Variants in AFF3 observed in about 807,000 individuals in gnomAD.
AFF3 encodes AF4/FMR2 family member 3.
AFF3 carries 32 observed loss-of-function variants against 129.7 expected under a neutral mutation model. The observed-to-expected ratio is 0.25, with a 90% confidence interval of 0.19 to 0.33. AFF3 has a LOEUF of 0.33. AFF3 is among the 10% of genes least tolerant of loss of function. The probability of loss-of-function intolerance (pLI) is 1.00; values close to 1 mark genes in which losing one functional copy is unlikely to be tolerated. For missense variants in AFF3, 1,373 were observed against 1,592.0 expected, an observed-to-expected ratio of 0.86 and a Z score of 2.34; for synonymous variants, 644 against 635.4, an observed-to-expected ratio of 1.01 and a Z score of -0.20.
chr2:99,870,869 C>T (rs1233030018), intron 7 of AFF3, among the ~76,000 whole-genome samples: 1 of 152,208 alleles, frequency 6.6e-6, no homozygotes, highest in Non-Finnish European at 1.5e-5. Flanking sequence ...AATGTGGACT[C>T]TGGAACTGGG....
intron 7 of AFF3, among the ~76,000 whole-genome samples, chr2:99,846,508 A>G (rs185844267): frequency 6.6e-6 from 1 of 152,362 alleles, no homozygotes; most frequent in African/African-American, 2.4e-5. Context: ...GGAAATGTAC[A>G]CGAAAACACA....
rs567547554 is a variant in AFF3 at position 100,031,116 on chromosome 2, T to C, written c.54-22184A>G. 2.6e-5 allele frequency among the ~76,000 whole-genome samples: 4 copies of C among 152,170 alleles called. No homozygotes were observed. In the South Asian group the frequency reaches 8.3e-4, roughly 32 times the overall value. ...CTGACCCAAATAATAACTTTAGAAATAAGTGGAGTCTGTAAAAAAAAGACA... is the reference window on the plus strand; with the variant it reads ...CTGACCCAAATAATAACTTTAGAAACAAGTGGAGTCTGTAAAAAAAAGACA... On this transcript the variant is annotated intron_variant, in intron 4 of 24. Coordinates refer to ENST00000672756, the MANE Select transcript of AFF3 (RefSeq NM_001386135.1).
At chr2:99,672,454 G>T in intron 12 of AFF3, 84 bp downstream of exon 12, 1 of 1,335,572 alleles carries the variant, frequency 7.5e-7, no homozygotes, top group Admixed American at 1.7e-5. Context: ...CCACCATTCA[G>T]CTTGGTTAAC....
chr2:100,129,772 A>C (rs1387854242), intron 1 of AFF3, among the ~76,000 whole-genome samples: 2 of 152,224 alleles, frequency 1.3e-5, no homozygotes, highest in Non-Finnish European at 2.9e-5. Flanking sequence ...TCCTCACAAC[A>C]ACCCAGATGA....
intron 11 of AFF3, among the ~76,000 whole-genome samples, chr2:99,719,604 A>C (rs542704218): frequency 1.3e-5 from 2 of 152,232 alleles, no homozygotes; most frequent in South Asian, 2.1e-4. Flanking sequence ...TGACCTTTTG[A>C]GTATTATAAA....
chr2:99,876,162 G>A (rs1479519246), intron 7 of AFF3, among the ~76,000 whole-genome samples: 2 of 152,152 alleles, frequency 1.3e-5, no homozygotes, highest in Non-Finnish European at 2.9e-5. Flanking sequence ...CCTAGGACAT[G>A]CTATGAATCC....
At chr2:100,079,061 C>T (rs1461450291) in intron 4 of AFF3, among the ~76,000 whole-genome samples, 1 of 151,832 alleles carries the variant, frequency 6.6e-6, no homozygotes, top group Non-Finnish European at 1.5e-5. Context: ...ATTCTCCTGC[C>T]TCAGCCTCCC....
intron 7 of AFF3, among the ~76,000 whole-genome samples, chr2:99,907,698 G>A (rs1015509187): frequency 1.3e-5 from 2 of 151,858 alleles, no homozygotes; most frequent in African/African-American, 4.8e-5. Flanking sequence ...GAGTACAATG[G>A]CACGATCCCA....
intron 1 of AFF3, among the ~76,000 whole-genome samples, chr2:100,138,683 C>T (rs1163738782): frequency 6.6e-6 from 1 of 152,114 alleles, no homozygotes; most frequent in Non-Finnish European, 1.5e-5. Context: ...GTGGCTCATG[C>T]CTGTAATCCC....
intron 2 of AFF3, chr2:100,106,102 A>G: frequency 7.8e-7 from 1 of 1,278,840 alleles, no homozygotes; most frequent in South Asian, 1.3e-5. Flanking sequence ...GGCCAATGAG[A>G]CTTCTTTCCT....
intron 7 of AFF3, among the ~76,000 whole-genome samples, chr2:99,888,291 A>G (rs1255176140): frequency 6.6e-6 from 1 of 152,236 alleles, no homozygotes; most frequent in African/African-American, 2.4e-5. Flanking sequence ...TAAAGCATAG[A>G]TATCGAGGAC....
At chr2:99,704,672 GCC>G (rs1381053560) in intron 11 of AFF3, among the ~76,000 whole-genome samples, 1 of 152,220 alleles carries the variant, frequency 6.6e-6, no homozygotes. Flanking sequence ...AAATATGTGA[GCC>G]CTGAAATCCT....
At chr2:99,686,672 G>A (rs760991825) in intron 11 of AFF3, among the ~76,000 whole-genome samples, 3 of 152,200 alleles carry the variant, frequency 2.0e-5, no homozygotes, top group Non-Finnish European at 4.4e-5. Context: ...TGACATTAAT[G>A]GTAGAATTTT....
chr2:99,884,417 G>T (rs1692954578), intron 7 of AFF3, among the ~76,000 whole-genome samples: 1 of 151,908 alleles, frequency 6.6e-6, no homozygotes, highest in South Asian at 2.1e-4. Context: ...ATTTATTTTT[G>T]AGACAGACTC....
chr2:99,730,297 G>A (rs577120331), intron 10 of AFF3, among the ~76,000 whole-genome samples: 3 of 152,242 alleles, frequency 2.0e-5, no homozygotes, highest in South Asian at 4.1e-4. Context: ...CCTTTTTAAC[G>A]CAATGTACAG....
intron 7 of AFF3, among the ~76,000 whole-genome samples, chr2:99,988,340 G>T (rs1680048767): frequency 6.6e-6 from 1 of 152,204 alleles, no homozygotes; most frequent in Non-Finnish European, 1.5e-5. Flanking sequence ...CACGCTAAAA[G>T]CATGGAGGCC....
chr2:99,866,270 C>T (rs769834337), intron 7 of AFF3, among the ~76,000 whole-genome samples: 9 of 152,156 alleles, frequency 5.9e-5, no homozygotes, highest in Non-Finnish European at 7.3e-5. Flanking sequence ...TAGAAAGCAG[C>T]CAAAGCCAAC....
intron 11 of AFF3, among the ~76,000 whole-genome samples, chr2:99,700,123 C>CTT (rs34691450): frequency 6.9e-6 from 1 of 144,034 alleles, no homozygotes; most frequent in Non-Finnish European, 1.5e-5. Context: ...TCAAAGCCTC[C>CTT]TTTTTTTTTT....
In AFF3 at chr2:100,117,640, C is replaced by G. The variant is rs545525733; in HGVS notation, c.-145+11584G>C. On this transcript the variant is annotated intron_variant, in intron 2 of 24. Transcript: ENST00000672756. ...TCCTATCTGTTGTTTCTGCTGACAACATTTCATTAATCTCCTTGTAGCTAG... is the reference window on the plus strand; with the variant it reads ...TCCTATCTGTTGTTTCTGCTGACAAGATTTCATTAATCTCCTTGTAGCTAG... Among the ~76,000 whole-genome samples, 168 of 152,330 alleles carry G rather than the reference C, an allele frequency of 1.1e-3. 6 individuals carry two copies. The highest frequency in any genetic ancestry group is 9.3e-4 in the Non-Finnish European group (63 of 68,034).
Sources: gnomAD v4.1 joint callset for allele counts (sites outside exome capture counted in the v4.1 genomes callset) on GRCh38, gnomAD v4.1.1 for gene constraint, MANE v1.5 for transcripts, NCBI Gene and HGNC (gene_info 2026-07-23, HGNC 2026-07-21) for gene names.